The following SMIM35 variants were observed in gnomAD, a reference collection of about 807,000 sequenced individuals.
SMIM35 encodes the protein small integral membrane protein 35, also known as TMPRSS4 antisense RNA 1 (non-protein coding).
At chr11:118,073,720 G>A (rs937443354) in intron 1 of SMIM35, among the ~76,000 whole-genome samples, 1 of 152,206 alleles carries the variant, frequency 6.6e-6, no homozygotes, top group East Asian at 1.9e-4. Flanking sequence ...TGTGCAAGGC[G>A]GGAGGGCTGT....
intron 1 of SMIM35, among the ~76,000 whole-genome samples, chr11:118,050,886 A>G (rs908112767): frequency 2.0e-5 from 3 of 152,242 alleles, no homozygotes; most frequent in African/African-American, 7.2e-5. Context: ...CATCCTTTGT[A>G]GAAAATGGCT....
At chr11:118,020,036 T>C (rs1303005610) in intron 1 of SMIM35, among the ~76,000 whole-genome samples, 1 of 152,140 alleles carries the variant, frequency 6.6e-6, no homozygotes, top group East Asian at 1.9e-4. Context: ...GCCAAGGTTG[T>C]CGGATCAACT....
chr11:118,019,775 C>G (rs1168192800), intron 1 of SMIM35, among the ~76,000 whole-genome samples: 2 of 151,928 alleles, frequency 1.3e-5, no homozygotes, highest in Non-Finnish European at 2.9e-5. Context: ...TACATTATCT[C>G]CATAATTTTT....
intron 1 of SMIM35, among the ~76,000 whole-genome samples, chr11:118,085,161 C>A (rs1177264877): frequency 1.3e-5 from 2 of 151,992 alleles, no homozygotes; most frequent in African/African-American, 4.8e-5. Context: ...GAAACTGGGT[C>A]CAGGAGCTGT....
chr11:118,084,958 C>T (rs1300567693), intron 1 of SMIM35, among the ~76,000 whole-genome samples: 1 of 152,092 alleles, frequency 6.6e-6, no homozygotes, highest in Non-Finnish European at 1.5e-5. Flanking sequence ...CAGCTGAGAC[C>T]CCTCAAACTG....
intron 1 of SMIM35, among the ~76,000 whole-genome samples, chr11:118,082,200 A>G (rs1453478165): frequency 6.6e-6 from 1 of 152,178 alleles, no homozygotes; most frequent in Non-Finnish European, 1.5e-5. Context: ...GCACTTTCAC[A>G]TCCAAAATCT....
At chr11:118,073,219 T>G (rs1944600960) in intron 1 of SMIM35, among the ~76,000 whole-genome samples, 1 of 152,208 alleles carries the variant, frequency 6.6e-6, no homozygotes, top group Non-Finnish European at 1.5e-5. Flanking sequence ...AATACAGGCA[T>G]GAGCCACTGC....
intron 1 of SMIM35, among the ~76,000 whole-genome samples, chr11:118,055,403 G>A (rs377644808): frequency 4.5e-4 from 68 of 152,250 alleles, no homozygotes; most frequent in African/African-American, 1.6e-3. Context: ...CATTTCAACA[G>A]CCTTACTCAC....
chr11:118,044,863 C>A (rs904251149), intron 1 of SMIM35, among the ~76,000 whole-genome samples: 1 of 150,132 alleles, frequency 6.7e-6, no homozygotes, highest in Non-Finnish European at 1.5e-5. Context: ...TTAGAAGAAA[C>A]CTCCAGCAGG....
chr11:118,008,374 T>C (rs1471073511), intron 4 of SMIM35, among the ~76,000 whole-genome samples: 1 of 152,110 alleles, frequency 6.6e-6, no homozygotes, highest in Admixed American at 6.6e-5. Context: ...CCACTTTGAG[T>C]TTCTCAGACC....
chr11:118,066,741 C>T (rs762725217), intron 1 of SMIM35, among the ~76,000 whole-genome samples: 2 of 151,834 alleles, frequency 1.3e-5, no homozygotes, highest in Non-Finnish European at 2.9e-5. Flanking sequence ...AAAAGGATCA[C>T]TTGAACTGAG....
At chr11:118,006,926 T>C (rs926675081) in intron 4 of SMIM35, among the ~76,000 whole-genome samples, 1 of 152,270 alleles carries the variant, frequency 6.6e-6, no homozygotes, top group Middle Eastern at 3.4e-3. Flanking sequence ...ATGAAAACAT[T>C]CAACATGCAT....
intron 1 of SMIM35, among the ~76,000 whole-genome samples, chr11:118,034,632 A>T (rs183203613): frequency 4.6e-5 from 7 of 152,218 alleles, no homozygotes; most frequent in Non-Finnish European, 1.0e-4. Flanking sequence ...ATCGCCTGGG[A>T]GGCAGAGGTT....
chr11:118,039,696 C>T (rs755113320), intron 1 of SMIM35, among the ~76,000 whole-genome samples: 25 of 151,532 alleles, frequency 1.6e-4, no homozygotes, highest in Admixed American at 7.9e-4. Flanking sequence ...GGTGACAGAG[C>T]GAGACCCTGT....
At chr11:118,067,042 T>C (rs1002343332) in intron 1 of SMIM35, among the ~76,000 whole-genome samples, 5 of 152,030 alleles carry the variant, frequency 3.3e-5, no homozygotes, top group African/African-American at 1.2e-4. Flanking sequence ...CCTAAATACC[T>C]TGTCCATTGT....
At chr11:118,075,325 T>G (rs899328558) in intron 1 of SMIM35, among the ~76,000 whole-genome samples, 2 of 152,226 alleles carry the variant, frequency 1.3e-5, no homozygotes, top group African/African-American at 4.8e-5. Context: ...CAGGCCAGCT[T>G]CAGATCTCTG....
chr11:118,084,398 A>G (rs762996790), intron 1 of SMIM35, among the ~76,000 whole-genome samples: 2 of 152,244 alleles, frequency 1.3e-5, no homozygotes, highest in Non-Finnish European at 2.9e-5. Flanking sequence ...AGGTTATGCA[A>G]CTGCAAAGTC....
chr11:118,058,741 G>C (rs530153904), intron 1 of SMIM35, among the ~76,000 whole-genome samples: 1 of 152,206 alleles, frequency 6.6e-6, no homozygotes, highest in Admixed American at 6.5e-5. Flanking sequence ...AGGCCAAACT[G>C]CTCTGGGAGA....
chr11:118,016,058 G>A (rs1207555111), intron 1 of SMIM35, among the ~76,000 whole-genome samples: 1 of 152,224 alleles, frequency 6.6e-6, no homozygotes, highest in Admixed American at 6.5e-5. Flanking sequence ...AGTAGAGATT[G>A]TTTGAGGTCT....
Sources: gnomAD v4.1 joint callset for allele counts (sites outside exome capture counted in the v4.1 genomes callset) on GRCh38, gnomAD v4.1.1 for gene constraint, MANE v1.5 for transcripts, NCBI Gene and HGNC (gene_info 2026-07-23, HGNC 2026-07-21) for gene names.